Variants in USP40 observed in about 807,000 individuals in gnomAD.
The protein encoded by USP40 is ubiquitin specific peptidase 40.
Under a neutral mutation model 166.2 loss-of-function variants are expected in USP40, and 143 were observed. The ratio of observed to expected loss-of-function variants is 0.86; its 90% CI spans 0.75 to 0.99. The LOEUF is 0.99. Ranked by LOEUF, USP40 falls within the 50% of genes least tolerant of loss-of-function variation. The probability of loss-of-function intolerance (pLI) is 0.00; values close to 1 mark genes in which losing one functional copy is unlikely to be tolerated. For missense variants in USP40, 1,444 were observed against 1,479.7 expected, an observed-to-expected ratio of 0.98 and a Z score of 0.40; for synonymous variants, 498 against 524.0, an observed-to-expected ratio of 0.95 and a Z score of 0.68.
At chr2:233,485,295 G>T (rs556316804) in intron 30 of USP40, among the ~76,000 whole-genome samples, 37 of 152,172 alleles carry the variant, frequency 2.4e-4, no homozygotes, top group Non-Finnish European at 4.3e-4. Flanking sequence ...TTCCATGTAT[G>T]GTCAGAAGTG....
intron 3 of USP40, chr2:233,560,900 TTC>T (rs2071527508): frequency 2.3e-5 from 14 of 619,152 alleles, no homozygotes; most frequent in Non-Finnish European, 4.1e-5. Flanking sequence ...AAATATTTCC[TTC>T]ACCAGAAGAA....
In USP40 at chr2:233,493,128, C is replaced by T. The variant is rs2065454843; in HGVS notation, c.2917+297G>A. The T allele has an allele frequency of 1.8e-5, 8 of 446,374 alleles. No homozygotes were observed. Among genetic ancestry groups the T allele is most frequent in the East Asian group, 3.3e-5 (1 of 30,112 alleles). 27.7% of individuals were successfully genotyped at this position (446,374 alleles called of 1,614,324 possible). A position where few individuals can be genotyped will look rare whatever the true frequency, so the allele number is the denominator to read the frequency against. On this transcript the variant is annotated intron_variant, in intron 25 of 31. Coordinates refer to ENST00000678225, the MANE Select transcript of USP40 (RefSeq NM_001365479.2). This position sits in a 1 kb window ranked among gnomAD's most constrained non-coding sequence, Gnocchi z 4.7. ...TCTGGTACGTGGTGATAAATGGGGC[C>T]CCTGTTGCCCTGAGGATCTTGAGAG...
chr2:233,481,090 T>G (rs953387411), intron 31 of USP40, 113 bp downstream of exon 31: 3 of 989,378 alleles, frequency 3.0e-6, no homozygotes, highest in Middle Eastern at 2.1e-4. Flanking sequence ...GTGTGCTTTG[T>G]GTGCACTCTG....
intron 24 of USP40, among the ~76,000 whole-genome samples, chr2:233,494,960 A>ATATT (rs1559224403): frequency 6.0e-4 from 37 of 61,734 alleles, no homozygotes; most frequent in African/African-American, 1.5e-3. Context: ...ATATATTTAT[A>ATATT]TATATATATA....
intron 5 of USP40, among the ~76,000 whole-genome samples, chr2:233,556,286 C>T (rs1447762948): frequency 4.2e-5 from 4 of 95,122 alleles, no homozygotes; most frequent in African/African-American, 8.1e-5. Flanking sequence ...AGCAAATTTC[C>T]AATTTCTAAT....
intron 18 of USP40, among the ~76,000 whole-genome samples, chr2:233,515,054 A>T (rs916771673): frequency 1.3e-5 from 2 of 152,174 alleles, no homozygotes; most frequent in Non-Finnish European, 2.9e-5. Flanking sequence ...TGACTTTGAG[A>T]TGCATTCATG....
intron 9 of USP40, among the ~76,000 whole-genome samples, chr2:233,541,043 C>CTT (rs2069361208): frequency 6.6e-6 from 1 of 152,134 alleles, no homozygotes; most frequent in Admixed American, 6.6e-5. Context: ...AAATTCCCAA[C>CTT]ATTAAAAAGG....
intron 21 of USP40, 94 bp downstream of exon 21, chr2:233,509,955 A>C (rs1039218022): frequency 3.0e-5 from 28 of 932,964 alleles, no homozygotes; most frequent in Admixed American, 2.1e-4. Context: ...GGCCTAGTTT[A>C]GGACCTCCAA....
At position 233,529,430 on chromosome 2, in the gene USP40, C is replaced by T. The variant is rs760684799; in HGVS notation, c.1553+1G>A. The T allele has an allele frequency of 1.3e-5, 20 of 1,559,142 alleles. No homozygotes were observed. The highest frequency in any genetic ancestry group is 1.7e-5 in the Non-Finnish European group (20 of 1,149,788). On this transcript the variant is annotated splice_donor_variant, in intron 12 of 31. Coordinates refer to ENST00000678225, the MANE Select transcript of USP40 (RefSeq NM_001365479.2). LOFTEE classifies it high-confidence loss of function. The stretch of plus-strand genomic sequence containing the variant: ...AAACTCTAAAAGCAATTTAAAATTA[C>T]CTTTTGGTTTGCAGTTCAATGTTAG...
Position 233,562,789 on chromosome 2 carries a change from G to C in USP40, c.214C>G (p.Leu72Val). 6.5e-7 allele frequency: 1 copy of C among 1,533,474 alleles called. No individual in the cohort carries two copies. Among genetic ancestry groups the C allele is most frequent in the African/African-American group, 1.4e-5 (1 of 72,450 alleles). 95.0% of individuals were successfully genotyped at this position (1,533,474 alleles called of 1,614,324 possible). ...TPEFREALFS[L>V]GPEELGLFED... ...AACAAACCAAGCTCTTCTGGGCCAA[G>C]AGAAAATAGAGCTTCTAAAGAAAAA... The change falls in exon 3 of 32, where the codon CTT (leucine) becomes GTT (valine). Residue 72 changes from leucine (L) to valine (V), a missense_variant. Leu to Val is a conservative substitution (Grantham distance 32). Coordinates refer to ENST00000678225, the MANE Select transcript of USP40 (RefSeq NM_001365479.2).
chr2:233,525,655 G>T, intron 13 of USP40, 93 bp from the exon 14 acceptor site: 1 of 865,356 alleles, frequency 1.2e-6, no homozygotes, highest in South Asian at 1.8e-5. Flanking sequence ...ATATGAAGAT[G>T]ACACAGAGAG....
At chr2:233,545,326 C>G (rs2069811232) in intron 8 of USP40, among the ~76,000 whole-genome samples, 1 of 152,186 alleles carries the variant, frequency 6.6e-6, no homozygotes, top group African/African-American at 2.4e-5. Flanking sequence ...CAACATATGA[C>G]AAGTTGATCC....
At chr2:233,492,751 TAAGTA>T (rs1466705513) in intron 25 of USP40, 2 of 152,166 alleles carry the variant, frequency 1.3e-5, no homozygotes, top group South Asian at 2.1e-4. Context: ...AAAAACTAAA[TAAGTA>T]AAGCCTGATA....
intron 8 of USP40, among the ~76,000 whole-genome samples, chr2:233,548,644 A>G (rs189624638): frequency 6.6e-6 from 1 of 152,304 alleles, no homozygotes; most frequent in East Asian, 1.9e-4. Context: ...GAACATAACT[A>G]TTAGACAACA....
At chr2:233,490,240 T>G (rs2065248680) in intron 26 of USP40, among the ~76,000 whole-genome samples, 1 of 150,878 alleles carries the variant, frequency 6.6e-6, no homozygotes, top group African/African-American at 2.4e-5. Context: ...CTCAGCTCAT[T>G]GCAACCTCCC....
chr2:233,533,777 G>A lies in USP40; in HGVS notation c.1173C>T (p.Phe391=). The A allele has an allele frequency of 6.6e-7, 1 of 1,516,586 alleles. No individual in the cohort carries two copies. Among genetic ancestry groups the A allele is most frequent in the South Asian group, 1.2e-5 (1 of 80,684 alleles). 93.9% of individuals were successfully genotyped at this position (1,516,586 alleles called of 1,614,324 possible). The part of the protein sequence containing the change: ...YRKQHGPLRK[F]LQLHSQIFLL... ...GAAATATCTGAGAATGGAGCTGTAA[G>A]AACTACACAGAAACAAAAAAAAAAA... The change falls in exon 11 of 32, where the codon TTC becomes TTT. Residue 391 remains phenylalanine (F), a splice_region_variant and synonymous_variant. Transcript: ENST00000678225.
In USP40 at chr2:233,549,173, T is replaced by G; in HGVS notation, c.894A>C (p.Lys298Asn). 2 of 1,573,076 alleles carry G rather than the reference T, an allele frequency of 1.3e-6. No individual in the cohort carries two copies. Among genetic ancestry groups the G allele is most frequent in the Non-Finnish European group, 1.7e-6 (2 of 1,149,252 alleles). Reference sequence around the variant, plus strand: ...GGTAATGGCCTCCGTAGCAGCCACCTTTGTGTATAATAACTGAGAAGAGGT... The same window carrying G: ...GGTAATGGCCTCCGTAGCAGCCACCGTTGTGTATAATAACTGAGAAGAGGT... ...IYDLFSVIIH[K>N]GGCYGGHYHV... Residue 298 changes from lysine (K) to asparagine (N), a missense_variant, in exon 8 of 32, where the codon AAA becomes AAC. By Grantham distance (94) the Lys-to-Asn change is moderately conservative. Coordinates refer to ENST00000678225, the MANE Select transcript of USP40 (RefSeq NM_001365479.2).
intron 3 of USP40, 42 bp from the exon 4 acceptor site, chr2:233,559,966 T>G (rs2071427785): frequency 6.8e-7 from 1 of 1,468,614 alleles, no homozygotes; most frequent in Non-Finnish European, 9.3e-7. Context: ...ATTCTTTAAG[T>G]GTTGACTAAG....
chr2:233,534,000 C>T (rs113000999), intron 10 of USP40, among the ~76,000 whole-genome samples: 5 of 152,168 alleles, frequency 3.3e-5, no homozygotes, highest in African/African-American at 1.2e-4. Context: ...GGGAGGAGGT[C>T]GCTATGCCAC....
Sources: gnomAD v4.1 joint callset for allele counts (sites outside exome capture counted in the v4.1 genomes callset) on GRCh38, gnomAD v4.1.1 for gene constraint, Gnocchi (gnomAD v3.1) non-coding constraint, MANE v1.5 for transcripts, NCBI Gene and HGNC (gene_info 2026-07-23, HGNC 2026-07-21) for gene names.